Variants in ZNF81 observed in about 807,000 individuals in gnomAD.
The protein encoded by ZNF81 is zinc finger protein 81.
Under a neutral mutation model 32.3 loss-of-function variants are expected in ZNF81, and 5 were observed. The ratio of observed to expected loss-of-function variants is 0.15; its 90% confidence interval spans 0.08 to 0.33. The LOEUF is 0.33. Among genes scored for constraint, ZNF81 ranks in the 10% least tolerant of loss-of-function variants. The pLI is 1.00. For synonymous variants in ZNF81, 163 were observed against 166.8 expected (o/e 0.98, Z 0.17); for missense variants, 379 against 479.8 (o/e 0.79, Z 1.96).
At chrX:47,891,465 G>T (rs1175997406) in intron 3 of ZNF81, among the ~76,000 whole-genome samples, 1 of 112,359 alleles carries the variant, frequency 8.9e-6, no homozygotes, top group Non-Finnish European at 1.9e-5. Context: ...CAGGAATGTG[G>T]TATTGCTTTT....
rs1243799926 is a variant in ZNF81, at chrX:47,917,679, T to G, written c.*1047T>G. On this transcript the variant is annotated 3_prime_UTR_variant, in exon 5 of 5. Coordinates refer to ENST00000338637, the MANE Select transcript of ZNF81 (RefSeq NM_007137.5). Reference sequence around the variant, plus strand: ...ATTGGGAGTGAGGTTTTCCAAGACCTCTAGCCCCAGCTGAGCCAGCCTAGC... The same window carrying G: ...ATTGGGAGTGAGGTTTTCCAAGACCGCTAGCCCCAGCTGAGCCAGCCTAGC... 1.3e-5 allele frequency: 2 copies of G among 150,902 alleles called. No homozygotes were observed. The highest frequency in any genetic ancestry group is 3.4e-4 in the South Asian group (1 of 2,951). 12.4% of individuals were successfully genotyped at this position (150,902 alleles called of 1,213,427 possible).
chrX:47,867,369 A>C (rs2058564123), intron 2 of ZNF81, among the ~76,000 whole-genome samples: 1 of 112,217 alleles, frequency 8.9e-6, no homozygotes, highest in Non-Finnish European at 1.9e-5. Context: ...TTTTTTCAGG[A>C]AATGCTCTAA....
chrX:47,844,323 A>G (rs1190197990), intron 1 of ZNF81, among the ~76,000 whole-genome samples: 1 of 110,894 alleles, frequency 9.0e-6, no homozygotes, highest in African/African-American at 3.3e-5. Flanking sequence ...TTTACCATTC[A>G]TGCCACCTCA....
At chrX:47,871,169 T>TG (rs199683655) in intron 2 of ZNF81, among the ~76,000 whole-genome samples, 6,944 of 111,400 alleles carry the variant, frequency 0.062, 248 homozygotes, top group African/African-American at 0.14. Flanking sequence ...AGTGGATTAT[T>TG]TTATCTTACT....
chrX:47,905,977 A>G (rs1244846865), intron 4 of ZNF81, among the ~76,000 whole-genome samples: 1 of 107,248 alleles, frequency 9.3e-6, no homozygotes, highest in Non-Finnish European at 1.9e-5. Context: ...CTGATCAGGA[A>G]TTAAGTCAAC....
intron 2 of ZNF81, among the ~76,000 whole-genome samples, chrX:47,885,873 C>T (rs1388613917): frequency 1.8e-5 from 2 of 111,502 alleles, no homozygotes; most frequent in Non-Finnish European, 3.8e-5. Context: ...CCCTGAGACT[C>T]CGTTTGTTTT....
At chrX:47,876,526 G>A (rs180749549) in intron 2 of ZNF81, among the ~76,000 whole-genome samples, 50 of 112,098 alleles carry the variant, frequency 4.5e-4, no homozygotes, top group Non-Finnish European at 8.7e-4. Flanking sequence ...AGCCTGAGAC[G>A]TGTCCAGGTC....
intron 2 of ZNF81, among the ~76,000 whole-genome samples, chrX:47,871,085 C>T (rs535196983): frequency 9.0e-6 from 1 of 111,541 alleles, no homozygotes; most frequent in African/African-American, 3.3e-5. Flanking sequence ...GTGTGTTAAC[C>T]GTAGTTTTTA....
chrX:47,899,028 T>C (rs1181539998), intron 4 of ZNF81, among the ~76,000 whole-genome samples: 2 of 111,743 alleles, frequency 1.8e-5, no homozygotes, highest in East Asian at 5.6e-4. Flanking sequence ...ATATAAGTAA[T>C]CATTATCACC....
At chrX:47,841,012 G>T (rs1283221670) in intron 1 of ZNF81, 2 of 838,737 alleles carry the variant, frequency 2.4e-6, no homozygotes, top group Admixed American at 4.5e-5. Context: ...CCGATAGCCA[G>T]GTGTGCCCGT....
At chrX:47,885,464 T>C (rs1397285833) in intron 2 of ZNF81, among the ~76,000 whole-genome samples, 1 of 112,380 alleles carries the variant, frequency 8.9e-6, no homozygotes, top group Non-Finnish European at 1.9e-5. Flanking sequence ...TCATCTGTTT[T>C]AGTTTGTTTG....
rs908853426 is a variant in ZNF81, at chrX:47,884,245, A to G, written c.55-3754A>G. Among the ~76,000 whole-genome samples, 30 of 2,802 alleles carry G rather than the reference A, an allele frequency of 0.011. 1 individual carries two copies. The East Asian group carries it at 0.31, about 28-fold the overall frequency. The allele number at this position is 2,802 out of a possible 115,157, so 2.4% of individuals were successfully genotyped here. On this transcript the variant is annotated intron_variant, in intron 2 of 4. Coordinates refer to ENST00000338637, the MANE Select transcript of ZNF81 (RefSeq NM_007137.5). The stretch of plus-strand genomic sequence containing the variant: ...GGGCGACAGAGCGAGACGTCATCTA[A>G]AAAAAAAAAAAAAAAAAAAAAAAAG...
chrX:47,855,467 G>A (rs1464956523), intron 2 of ZNF81, among the ~76,000 whole-genome samples: 1 of 110,808 alleles, frequency 9.0e-6, no homozygotes, highest in African/African-American at 3.3e-5. Context: ...AGTATATTGG[G>A]TATATTTCTG....
At position 47,916,218 on chromosome X, in the gene ZNF81, G is replaced by A; in HGVS notation, c.1572G>A (p.Lys524=). 8.3e-7 allele frequency: 1 copy of A among 1,210,883 alleles called. No homozygotes were observed. The highest frequency in any genetic ancestry group is 1.1e-6 in the Non-Finnish European group (1 of 895,185). ...ACCAGAAGTCTCATACTGGAGAAAAGTCTTATATATGTGCTGAATGTGGGA... is the reference window on the plus strand; with the variant it reads ...ACCAGAAGTCTCATACTGGAGAAAAATCTTATATATGTGCTGAATGTGGGA... ...NTHQKSHTGE[K]SYICAECGKA... is the part of the protein sequence containing the mutation. The change falls in exon 5 of 5, where the codon AAG becomes AAA. Residue 524 remains lysine, a synonymous_variant. Transcript: ENST00000338637.
intron 4 of ZNF81, among the ~76,000 whole-genome samples, chrX:47,914,513 C>T (rs1443573991): frequency 1.8e-5 from 2 of 111,923 alleles, no homozygotes; most frequent in African/African-American, 6.5e-5. Flanking sequence ...ATTATAGTTG[C>T]CTACCGTATT....
rs1256772427 is a variant in ZNF81, at chrX:47,919,729, A to C, written c.*3097A>C. On this transcript the variant is annotated 3_prime_UTR_variant, in exon 5 of 5. Transcript: ENST00000338637. ...TATAAGGGCACCAATCCCATTCATG[A>C]GTTCTCCACCCACATTACCTAACTA... The C allele has an allele frequency of 2.7e-5, 3 of 111,900 alleles. No individual in the cohort carries two copies. Among genetic ancestry groups the C allele is most frequent in the African/African-American group, 9.8e-5 (3 of 30,573 alleles). The allele number at this position is 111,900 out of a possible 1,213,427, so 9.2% of individuals were successfully genotyped here.
intron 2 of ZNF81, among the ~76,000 whole-genome samples, chrX:47,854,923 G>A (rs1311551854): frequency 4.5e-5 from 5 of 110,495 alleles, no homozygotes; most frequent in Non-Finnish European, 9.5e-5. Flanking sequence ...GTGAAACCCC[G>A]TCTCTACTAA....
intron 2 of ZNF81, among the ~76,000 whole-genome samples, chrX:47,850,396 A>G (rs2058489171): frequency 9.1e-6 from 1 of 110,481 alleles, no homozygotes; most frequent in Non-Finnish European, 1.9e-5. Context: ...AGAATGGATA[A>G]ATACATTGAA....
intron 2 of ZNF81, among the ~76,000 whole-genome samples, chrX:47,857,795 A>G: frequency 9.0e-6 from 1 of 111,671 alleles, no homozygotes; most frequent in South Asian, 3.8e-4. Flanking sequence ...AAAACCTGTG[A>G]CTTGCAAAAC....
Sources: allele counts gnomAD v4.1 joint callset (sites outside exome capture counted in the v4.1 genomes callset), GRCh38; gene constraint gnomAD v4.1.1; transcripts MANE v1.5; gene names NCBI Gene and HGNC (gene_info 2026-07-23, HGNC 2026-07-21).